CDYL2: variants seen among roughly 807,000 people sequenced by gnomAD.
CDYL2 encodes the protein chromodomain Y like 2.
A neutral mutation model predicts 49.4 loss-of-function variants in CDYL2; 23 were observed. That is an observed-to-expected ratio of 0.47 (90% CI 0.34 to 0.66). The LOEUF is 0.66. Among genes scored for constraint, CDYL2 ranks in the 30% least tolerant of loss-of-function variants. The pLI, the probability that CDYL2 is intolerant of heterozygous loss-of-function variation, is 0.01. For missense variants in CDYL2, 678 were observed against 656.4 expected (o/e 1.03, Z -0.36); for synonymous variants, 360 against 268.8 (o/e 1.34, Z -3.32).
intron 1 of CDYL2, among the ~76,000 whole-genome samples, chr16:80,730,127 C>T (rs928968980): frequency 6.6e-6 from 1 of 152,080 alleles, no homozygotes; most frequent in Non-Finnish European, 1.5e-5. Context: ...GAAATAGAGA[C>T]ACAAAAAACC....
At chr16:80,696,638 T>C (rs528327012) in intron 1 of CDYL2, among the ~76,000 whole-genome samples, 2 of 151,274 alleles carry the variant, frequency 1.3e-5, no homozygotes, top group Admixed American at 1.3e-4. Flanking sequence ...ACATACAACC[T>C]ACCAAGATTA....
At chr16:80,616,153 G>GCT (rs1466206075) in intron 4 of CDYL2, among the ~76,000 whole-genome samples, 6 of 152,202 alleles carry the variant, frequency 3.9e-5, no homozygotes, top group African/African-American at 1.4e-4. Flanking sequence ...GACTCAGAGT[G>GCT]AAGTCTCAGT....
rs1906169947 is a variant in CDYL2 at position 80,603,145 on chromosome 16, C to G, written c.*1243G>C. ...GGAAAAGATTCAGACCTCCAGACAG[C>G]TCAGCAGAGTGGGAACTCTTCCCCA... On this transcript the variant is annotated 3_prime_UTR_variant, in exon 7 of 7. Coordinates refer to ENST00000570137, the MANE Select transcript of CDYL2 (RefSeq NM_152342.4). 6.6e-6 allele frequency: 1 copy of G among 152,242 alleles called. No homozygotes were observed. Among genetic ancestry groups the G allele is most frequent in the Non-Finnish European group, 1.5e-5 (1 of 68,066 alleles). 9.4% of individuals were successfully genotyped at this position (152,242 alleles called of 1,614,324 possible). A position where few individuals can be genotyped will look rare whatever the true frequency, so the allele number is the denominator to read the frequency against.
At chr16:80,728,022 A>G (rs1236034893) in intron 1 of CDYL2, among the ~76,000 whole-genome samples, 1 of 152,248 alleles carries the variant, frequency 6.6e-6, no homozygotes, top group Non-Finnish European at 1.5e-5. Flanking sequence ...GAAAAACTGG[A>G]AACTCTAAAA....
At position 80,620,927 on chromosome 16, in the gene CDYL2, T is replaced by C. The variant is rs1192152056; in HGVS notation, c.843A>G (p.Lys281=). The C allele has an allele frequency of 6.3e-7, 1 of 1,596,084 alleles. No homozygotes were observed. Residue 281 remains lysine (K), a synonymous_variant, in exon 4 of 7, where the codon AAA becomes AAG. Coordinates refer to ENST00000570137, the MANE Select transcript of CDYL2 (RefSeq NM_152342.4). Reference sequence around the variant, plus strand: ...CGTTGCAGAGCGCTCGCCGGACTTCTTTCATGATCTGCCGGCAGAGATGAA... The same window carrying C: ...CGTTGCAGAGCGCTCGCCGGACTTCCTTCATGATCTGCCGGCAGAGATGAA... ...DNNALTPEIM[K]EVRRALCNAA... is the part of the protein sequence containing the mutation.
chr16:80,611,892 C>T (rs369128652), intron 5 of CDYL2, among the ~76,000 whole-genome samples: 2 of 152,206 alleles, frequency 1.3e-5, no homozygotes, highest in Non-Finnish European at 2.9e-5. Flanking sequence ...CAGTGGACTC[C>T]GCCGCCTCTG....
In CDYL2 at chr16:80,607,739, T is replaced by C. The variant is rs149594142; in HGVS notation, c.1362+353A>G. On this transcript the variant is annotated intron_variant, in intron 6 of 6. Coordinates refer to ENST00000570137, the MANE Select transcript of CDYL2 (RefSeq NM_152342.4). Reference sequence around the variant, plus strand: ...CTAGTCATCTTCCGGATGGGTTCAATACTTTTTATCCTTATTGGCCGCTGC... The same window carrying C: ...CTAGTCATCTTCCGGATGGGTTCAACACTTTTTATCCTTATTGGCCGCTGC... 1.5e-3 allele frequency among the ~76,000 whole-genome samples: 222 copies of C among 152,344 alleles called. 2 individuals carry two copies. The highest frequency in any genetic ancestry group is 5.1e-3 in the African/African-American group (213 of 41,586).
At chr16:80,730,475 AAAAG>A (rs1905289065) in intron 1 of CDYL2, among the ~76,000 whole-genome samples, 1 of 152,124 alleles carries the variant, frequency 6.6e-6, no homozygotes, top group Non-Finnish European at 1.5e-5. Context: ...TTGCCAACCA[AAAAG>A]AGTCCAGGAC....
rs540920309 is a variant in CDYL2 at position 80,654,337 on chromosome 16, G to C, written c.617-21101C>G. Among the ~76,000 whole-genome samples, 4 of 152,316 alleles carry C rather than the reference G, an allele frequency of 2.6e-5. No homozygotes were observed. In the South Asian group the frequency reaches 8.3e-4, roughly 32 times the overall value. Reference sequence around the variant, plus strand: ...CCGTGTTCTGATCCTTGGTGAGCAGGATATGAGGATCAAGTAAGATAACAT... The same window carrying C: ...CCGTGTTCTGATCCTTGGTGAGCAGCATATGAGGATCAAGTAAGATAACAT... On this transcript the variant is annotated intron_variant, in intron 2 of 6. Transcript: ENST00000570137.
chr16:80,788,972 C>T (rs947524138), intron 1 of CDYL2, among the ~76,000 whole-genome samples: 7 of 152,168 alleles, frequency 4.6e-5, no homozygotes, highest in African/African-American at 9.7e-5. Context: ...CATGACCAGA[C>T]ATCTCTCAAA....
At chr16:80,707,050 G>A (rs1011732194) in intron 1 of CDYL2, among the ~76,000 whole-genome samples, 4 of 152,168 alleles carry the variant, frequency 2.6e-5, no homozygotes, top group Non-Finnish European at 5.9e-5. Flanking sequence ...TGGGGGTGCA[G>A]TGAACACCCC....
intron 1 of CDYL2, among the ~76,000 whole-genome samples, chr16:80,703,364 G>A (rs1447698130): frequency 1.3e-5 from 2 of 152,000 alleles, no homozygotes; most frequent in Non-Finnish European, 1.5e-5. Context: ...TGAACCCCAC[G>A]GCTTGTCACA....
At chr16:80,617,666 C>T (rs146214264) in intron 4 of CDYL2, among the ~76,000 whole-genome samples, 2 of 152,190 alleles carry the variant, frequency 1.3e-5, no homozygotes, top group East Asian at 3.9e-4. Context: ...TTTCTAACCC[C>T]GGGAGCATCT....
chr16:80,726,741 A>G (rs537238886), intron 1 of CDYL2, among the ~76,000 whole-genome samples: 67 of 152,332 alleles, frequency 4.4e-4, no homozygotes, highest in South Asian at 3.9e-3. Context: ...AGCATCCTGC[A>G]GTGCCAGAAA....
At chr16:80,680,250 A>C (rs899778227) in intron 2 of CDYL2, among the ~76,000 whole-genome samples, 3 of 152,190 alleles carry the variant, frequency 2.0e-5, no homozygotes, top group Non-Finnish European at 4.4e-5. Flanking sequence ...TGAATCATGC[A>C]ATGTGTGAGA....
chr16:80,766,978 G>A (rs1259142397), intron 1 of CDYL2, among the ~76,000 whole-genome samples: 1 of 152,154 alleles, frequency 6.6e-6, no homozygotes, highest in African/African-American at 2.4e-5. Flanking sequence ...TTTTGCAGAT[G>A]AATAAACTGA....
intron 1 of CDYL2, among the ~76,000 whole-genome samples, chr16:80,745,212 G>A (rs1905885343): frequency 6.6e-6 from 1 of 152,176 alleles, no homozygotes; most frequent in African/African-American, 2.4e-5. Context: ...GAATGCAGGG[G>A]CCTGAGGGTT....
intron 1 of CDYL2, among the ~76,000 whole-genome samples, chr16:80,713,471 A>G (rs761859425): frequency 1.3e-5 from 2 of 152,102 alleles, no homozygotes; most frequent in African/African-American, 2.4e-5. Flanking sequence ...TTCCATTGGG[A>G]TATTAAAGCT....
intron 1 of CDYL2, among the ~76,000 whole-genome samples, chr16:80,790,744 A>G (rs1404160482): frequency 1.3e-5 from 2 of 152,200 alleles, no homozygotes; most frequent in Non-Finnish European, 2.9e-5. Flanking sequence ...CTATAATATC[A>G]GTCAGTCAGG....
Sources: allele counts gnomAD v4.1 joint callset (sites outside exome capture counted in the v4.1 genomes callset), GRCh38; gene constraint gnomAD v4.1.1; transcripts MANE v1.5; gene names NCBI Gene and HGNC (gene_info 2026-07-23, HGNC 2026-07-21).